Variants in EXOC6 observed in about 807,000 individuals in gnomAD.
EXOC6 encodes the protein exocyst complex component 6.
A neutral mutation model predicts 112.5 loss-of-function variants in EXOC6; 60 were observed. That is an observed-to-expected ratio of 0.53 (90% CI 0.43 to 0.66). The LOEUF (loss-of-function observed/expected upper bound fraction) is 0.66. EXOC6 is among the 30% of genes least tolerant of loss of function. EXOC6 has a pLI of 0.00. For missense variants in EXOC6, 855 were observed against 957.1 expected, an observed-to-expected ratio of 0.89 and a Z score of 1.41; for synonymous variants, 295 against 308.0, an observed-to-expected ratio of 0.96 and a Z score of 0.44.
intron 18 of EXOC6, among the ~76,000 whole-genome samples, chr10:92,995,423 T>C (rs1482549133): frequency 6.6e-6 from 1 of 152,184 alleles, no homozygotes; most frequent in Non-Finnish European, 1.5e-5. Flanking sequence ...TAATAGTAAT[T>C]TTCTGGCAAT....
chr10:93,022,990 C>CT lies in EXOC6; in HGVS notation c.2169+8739dup, dbSNP rs768020281. ...CAGTTGGGGTTCTTCACTTTTCCTT[C>CT]TTTTTTTTTTTTTTTTCAGTCTGTG... is the stretch of plus-strand genomic sequence containing the variant. On this transcript the variant is annotated intron_variant, in intron 20 of 21. Coordinates refer to ENST00000260762, the MANE Select transcript of EXOC6 (RefSeq NM_019053.6). Among the ~76,000 whole-genome samples, 648 of 123,826 alleles carry CT rather than the reference C, an allele frequency of 5.2e-3. 2 individuals are homozygous for CT. The highest frequency in any genetic ancestry group is 0.017 in the Middle Eastern group (4 of 242). The allele number at this position is 123,826 out of a possible 152,430, so 81.2% of individuals were successfully genotyped here. A position where few individuals can be genotyped will look rare whatever the true frequency, so the allele number is the denominator to read the frequency against.
chr10:92,955,359 T>A (rs1249455579), intron 16 of EXOC6, among the ~76,000 whole-genome samples: 2 of 151,358 alleles, frequency 1.3e-5, no homozygotes, highest in Non-Finnish European at 2.9e-5. Flanking sequence ...TAACTGGTAT[T>A]TAGACTCTTG....
intron 6 of EXOC6, among the ~76,000 whole-genome samples, chr10:92,915,335 G>A (rs1183384530): frequency 6.6e-6 from 1 of 151,878 alleles, no homozygotes; most frequent in Admixed American, 6.6e-5. Context: ...TGAGCCAGGA[G>A]TTTGGGACCA....
chr10:93,015,719 C>T (rs536844803), intron 20 of EXOC6, among the ~76,000 whole-genome samples: 49 of 149,634 alleles, frequency 3.3e-4, no homozygotes, highest in Admixed American at 8.0e-4. Context: ...GGCGACAGAG[C>T]GAGACTCCGT....
chr10:93,037,932 C>T (rs987863462), intron 20 of EXOC6, among the ~76,000 whole-genome samples: 1 of 148,688 alleles, frequency 6.7e-6, no homozygotes, highest in East Asian at 2.0e-4. Flanking sequence ...CCCAGCTGCT[C>T]GGAAGGTGGA....
At chr10:93,019,319 T>C (rs1844676916) in intron 20 of EXOC6, among the ~76,000 whole-genome samples, 2 of 152,196 alleles carry the variant, frequency 1.3e-5, no homozygotes, top group Admixed American at 1.3e-4. Flanking sequence ...AAAACATTGC[T>C]GATTCTTTCT....
chr10:92,944,727 G>A (rs1220177008), intron 13 of EXOC6, among the ~76,000 whole-genome samples: 1 of 150,846 alleles, frequency 6.6e-6, no homozygotes, highest in South Asian at 2.1e-4. Flanking sequence ...TCTTGTGTCT[G>A]TTAGATAATG....
At chr10:92,841,033 C>A (rs1430516669) in intron 1 of EXOC6, among the ~76,000 whole-genome samples, 5 of 152,134 alleles carry the variant, frequency 3.3e-5, no homozygotes, top group African/African-American at 1.2e-4. Context: ...ATTATTATAT[C>A]TATCACCTTA....
intron 17 of EXOC6, among the ~76,000 whole-genome samples, chr10:92,965,911 G>A (rs1054404014): frequency 1.3e-5 from 2 of 152,044 alleles, no homozygotes; most frequent in African/African-American, 2.4e-5. Context: ...ATTCCTGCTC[G>A]GGAGTGCTGT....
At chr10:92,958,504 T>C (rs995889561) in intron 17 of EXOC6, among the ~76,000 whole-genome samples, 9 of 152,220 alleles carry the variant, frequency 5.9e-5, no homozygotes, top group Admixed American at 3.9e-4. Context: ...TTTTGTCTGC[T>C]AATGACTATG....
intron 1 of EXOC6, among the ~76,000 whole-genome samples, chr10:92,828,094 C>G (rs1049118869): frequency 2.6e-5 from 4 of 152,176 alleles, no homozygotes; most frequent in Non-Finnish European, 5.9e-5. Flanking sequence ...AGAGTGCTTG[C>G]TAGATTCACT....
chr10:93,015,529 C>A (rs959362028), intron 20 of EXOC6, among the ~76,000 whole-genome samples: 2 of 152,078 alleles, frequency 1.3e-5, no homozygotes, highest in Non-Finnish European at 2.9e-5. Context: ...GTCAGGAGAT[C>A]AAGATCATCT....
intron 20 of EXOC6, among the ~76,000 whole-genome samples, chr10:93,027,538 G>C (rs955686229): frequency 1.3e-5 from 2 of 152,178 alleles, no homozygotes; most frequent in Non-Finnish European, 1.5e-5. Context: ...TCTTGTTAGG[G>C]ACTAATGCAT....
In EXOC6 at chr10:93,031,498, TTTTC is replaced by T. The variant is rs1182327900; in HGVS notation, c.2169+17243_2169+17246del. Among the ~76,000 whole-genome samples, 22 of 127,574 alleles carry T rather than the reference TTTTC, an allele frequency of 1.7e-4. 1 individual carries two copies. Among genetic ancestry groups the T allele is most frequent in the East Asian group, 1.5e-3 (5 of 3,316 alleles). The allele number at this position is 127,574 out of a possible 152,430, so 83.7% of individuals were successfully genotyped here. Reference sequence around the variant, plus strand: ...GTCCATGCGTTTTCTTTCTTTTCTTTTTTCTTTCTTTCTTTTTTTTTTTTTTTTT... The same window carrying T: ...GTCCATGCGTTTTCTTTCTTTTCTTTTTTCTTTCTTTTTTTTTTTTTTTTT... On this transcript the variant is annotated intron_variant, in intron 20 of 21. Transcript: ENST00000260762.
intron 19 of EXOC6, among the ~76,000 whole-genome samples, chr10:93,005,335 C>T (rs1043252997): frequency 5.3e-5 from 8 of 152,012 alleles, no homozygotes; most frequent in Non-Finnish European, 8.8e-5. Context: ...CTACATTGAA[C>T]CTTTGATCTT....
rs759583616 is a variant in EXOC6, at chr10:93,057,001, G to A, written c.2247G>A (p.Arg749=). The A allele has an allele frequency of 2.5e-6, 4 of 1,592,390 alleles. No homozygotes were observed. In the South Asian group the frequency reaches 4.7e-5, roughly 19 times the overall value. The part of the protein sequence containing the change: ...DYGQPASKYL[R]VNPNTALTLL... ...GGCAGCCAGCTTCTAAGTACCTTCG[G>A]GTGAATCCAAACACAGCCCTTACTC... The change falls in exon 21 of 22, where the codon CGG becomes CGA. Residue 749 remains arginine (R), a synonymous_variant. Coordinates refer to ENST00000260762, the MANE Select transcript of EXOC6 (RefSeq NM_019053.6).
intron 20 of EXOC6, among the ~76,000 whole-genome samples, chr10:93,041,781 G>A (rs551483323): frequency 1.3e-5 from 2 of 151,782 alleles, no homozygotes; most frequent in Non-Finnish European, 2.9e-5. Context: ...GTGCGATCTC[G>A]GCCCACTGCA....
At chr10:93,002,140 C>G (rs1169080883) in intron 19 of EXOC6, among the ~76,000 whole-genome samples, 3 of 152,082 alleles carry the variant, frequency 2.0e-5, no homozygotes, top group East Asian at 1.9e-4. Context: ...GTATTCCTCC[C>G]CCCCTTTTTT....
At chr10:93,000,077 C>T (rs933627288) in intron 19 of EXOC6, among the ~76,000 whole-genome samples, 7 of 152,094 alleles carry the variant, frequency 4.6e-5, no homozygotes, top group East Asian at 3.8e-4. Flanking sequence ...ATTAATATAA[C>T]GTTCATTACT....
Sources: allele counts gnomAD v4.1 joint callset (sites outside exome capture counted in the v4.1 genomes callset), GRCh38; gene constraint gnomAD v4.1.1; transcripts MANE v1.5; gene names NCBI Gene and HGNC (gene_info 2026-07-23, HGNC 2026-07-21).